RCAN3: variants seen among roughly 807,000 people sequenced by gnomAD.
RCAN3 encodes the protein calcipressin-3.
In RCAN3, 19 loss-of-function variants were observed where a neutral mutation model predicts 21.9. The ratio of observed to expected loss-of-function variants is 0.87; its 90% CI spans 0.61 to 1.27. RCAN3 has a LOEUF of 1.27. Among genes scored for constraint, RCAN3 ranks in the 50% most tolerant of loss-of-function variants. RCAN3 has a pLI of 0.00. For synonymous variants in RCAN3, 114 were observed against 112.3 expected, an observed-to-expected ratio of 1.01 and a Z score of -0.09; for missense variants, 240 against 300.1, an observed-to-expected ratio of 0.80 and a Z score of 1.48.
chr1:24,517,533 C>T (rs774442129), intron 2 of RCAN3, among the ~76,000 whole-genome samples: 28 of 152,122 alleles, frequency 1.8e-4, no homozygotes, highest in Non-Finnish European at 3.2e-4. Flanking sequence ...TTATATCTAA[C>T]GTAAATTTAT....
At chr1:24,518,451 A>G (rs1648520259) in intron 2 of RCAN3, among the ~76,000 whole-genome samples, 2 of 152,178 alleles carry the variant, frequency 1.3e-5, no homozygotes, top group Admixed American at 1.3e-4. Flanking sequence ...AGGGTTGTTA[A>G]TTTTATGCAT....
intron 2 of RCAN3, among the ~76,000 whole-genome samples, chr1:24,527,792 T>G (rs558863801): frequency 2.0e-5 from 3 of 152,346 alleles, no homozygotes; most frequent in African/African-American, 7.2e-5. Context: ...TGCATTTCAT[T>G]TATTAAACTA....
rs1647207989 is a variant in RCAN3, at chr1:24,503,071, C to G, written c.-139C>G. The stretch of plus-strand genomic sequence containing the variant: ...GCAGCCCCGTCGGGCAGCCCGGGCC[C>G]GTCCGCTGCCCTCCCGGCTCCCGTC... On this transcript the variant is annotated 5_prime_UTR_variant, in exon 1 of 5. Coordinates refer to ENST00000374395, the MANE Select transcript of RCAN3 (RefSeq NM_013441.4). 6.7e-6 allele frequency: 1 copy of G among 148,958 alleles called. No homozygotes were observed. The highest frequency in any genetic ancestry group is 2.1e-4 in the South Asian group (1 of 4,788). 9.2% of individuals were successfully genotyped at this position (148,958 alleles called of 1,614,324 possible).
In RCAN3 at chr1:24,536,375, TG is replaced by T. The variant is rs1650228580; in HGVS notation, c.*1099del. 6.6e-6 allele frequency: 1 copy of T among 152,226 alleles called. No individual in the cohort carries two copies. Among genetic ancestry groups the T allele is most frequent in the Non-Finnish European group, 1.5e-5 (1 of 68,038 alleles). The allele number at this position is 152,226 out of a possible 1,614,324, so 9.4% of individuals were successfully genotyped here. On this transcript the variant is annotated 3_prime_UTR_variant, in exon 5 of 5. Coordinates refer to ENST00000374395, the MANE Select transcript of RCAN3 (RefSeq NM_013441.4). ...GATCATTCAGTTTTACTTTTCTTTT[TG>T]TTGAAATTTTGTACCCGGATTGCAG...
At chr1:24,526,755 C>T (rs1000684761) in intron 2 of RCAN3, among the ~76,000 whole-genome samples, 1 of 152,166 alleles carries the variant, frequency 6.6e-6, no homozygotes, top group Non-Finnish European at 1.5e-5. Flanking sequence ...AACTATCTCA[C>T]ATAGGAATTT....
intron 1 of RCAN3, among the ~76,000 whole-genome samples, chr1:24,506,506 T>C (rs1433726049): frequency 5.9e-5 from 9 of 152,118 alleles, no homozygotes; most frequent in Admixed American, 5.9e-4. Flanking sequence ...TCTTATACAC[T>C]GAAGTATTTG....
At chr1:24,521,898 G>T (rs1168198892) in intron 2 of RCAN3, among the ~76,000 whole-genome samples, 1 of 143,424 alleles carries the variant, frequency 7.0e-6, no homozygotes, top group Non-Finnish European at 1.5e-5. Context: ...TAGAATATTG[G>T]TTGCTGGGGG....
intron 1 of RCAN3, among the ~76,000 whole-genome samples, chr1:24,509,183 A>T (rs1353890101): frequency 6.6e-6 from 1 of 152,176 alleles, no homozygotes; most frequent in Non-Finnish European, 1.5e-5. Context: ...AATGCAAACG[A>T]TTAAGTCGTA....
In RCAN3 at chr1:24,537,236, C is replaced by T. The variant is rs1650281839; in HGVS notation, c.*1959C>T. On this transcript the variant is annotated 3_prime_UTR_variant, in exon 5 of 5. Coordinates refer to ENST00000374395, the MANE Select transcript of RCAN3 (RefSeq NM_013441.4). ...TATTCCTAACACATAAAACATTTTA[C>T]AGTCAAGCAGTGCAAATTACAGTGC... is the stretch of plus-strand genomic sequence containing the variant. The T allele has an allele frequency of 6.6e-6, 1 of 151,774 alleles. No homozygotes were observed. Among genetic ancestry groups the T allele is most frequent in the South Asian group, 2.1e-4 (1 of 4,826 alleles). The allele number at this position is 151,774 out of a possible 1,614,324, so 9.4% of individuals were successfully genotyped here. A position where few individuals can be genotyped will look rare whatever the true frequency, so the allele number is the denominator to read the frequency against.
chr1:24,531,170 T>C (rs759590577), intron 2 of RCAN3, 48 bp from the exon 3 acceptor site: 1 of 1,303,740 alleles, frequency 7.7e-7, no homozygotes, highest in Non-Finnish European at 1.0e-6. Flanking sequence ...GGTTTTTCTT[T>C]TTTTTTTTTC....
Position 24,521,803 on chromosome 1 carries a change from G to A in RCAN3, c.195+7236G>A, listed in dbSNP as rs987989547. 3.3e-5 allele frequency among the ~76,000 whole-genome samples: 5 copies of A among 152,028 alleles called. No individual in the cohort carries two copies. The East Asian group carries it at 5.8e-4, about 18-fold the overall frequency. On this transcript the variant is annotated intron_variant, in intron 2 of 4. Coordinates refer to ENST00000374395, the MANE Select transcript of RCAN3 (RefSeq NM_013441.4). Reference sequence around the variant, plus strand: ...GTGGAGGTTGCAGTGAGCTGAGATCGTGCCATTGTACTCCAGCCTGGGTGA... The same window carrying A: ...GTGGAGGTTGCAGTGAGCTGAGATCATGCCATTGTACTCCAGCCTGGGTGA...
chr1:24,508,272 T>C (rs1170590558), intron 1 of RCAN3, among the ~76,000 whole-genome samples: 1 of 152,218 alleles, frequency 6.6e-6, no homozygotes, highest in Admixed American at 6.5e-5. Context: ...CTTGGGGACA[T>C]GGTACTTTTC....
intron 2 of RCAN3, among the ~76,000 whole-genome samples, chr1:24,514,839 C>G (rs1303990608): frequency 1.3e-5 from 2 of 151,828 alleles, no homozygotes; most frequent in African/African-American, 4.8e-5. Flanking sequence ...TGTGGTGGTG[C>G]GCGCCTGTAA....
intron 2 of RCAN3, among the ~76,000 whole-genome samples, chr1:24,519,287 A>T (rs1648596937): frequency 6.6e-6 from 1 of 151,432 alleles, no homozygotes; most frequent in African/African-American, 2.4e-5. Context: ...CCTGGGCTCA[A>T]GCGATCCTCC....
Position 24,540,987 on chromosome 1 carries a change from CA to C in RCAN3, c.*5712del, listed in dbSNP as rs1381175127. The C allele has an allele frequency of 1.3e-5, 2 of 152,172 alleles. No homozygotes were observed. Among genetic ancestry groups the C allele is most frequent in the Admixed American group, 6.5e-5 (1 of 15,274 alleles). The allele number at this position is 152,172 out of a possible 1,614,324, so 9.4% of individuals were successfully genotyped here. On this transcript the variant is annotated 3_prime_UTR_variant, in exon 5 of 5. Transcript: ENST00000374395. ...TTGGAAGCTTCGTGATTACCTGTAA[CA>C]AGTTCTGTTTTTAAAACGAATACAA... is the stretch of plus-strand genomic sequence containing the variant.
chr1:24,526,571 G>T (rs1019890183), intron 2 of RCAN3, among the ~76,000 whole-genome samples: 1 of 152,196 alleles, frequency 6.6e-6, no homozygotes, highest in Admixed American at 6.5e-5. Context: ...GTCATACGAT[G>T]CGTTGGTACT....
At chr1:24,515,205 G>A (rs1050237211) in intron 2 of RCAN3, among the ~76,000 whole-genome samples, 2 of 152,210 alleles carry the variant, frequency 1.3e-5, no homozygotes, top group East Asian at 3.9e-4. Context: ...AAAACCTGGG[G>A]ATCTTTAGCC....
intron 1 of RCAN3, among the ~76,000 whole-genome samples, chr1:24,510,922 A>AT (rs1242076003): frequency 6.6e-6 from 1 of 152,174 alleles, no homozygotes; most frequent in Non-Finnish European, 1.5e-5. Flanking sequence ...TAATTTCAAT[A>AT]TTGTCGTGTC....
At chr1:24,531,463 G>A (rs767080415) in intron 3 of RCAN3, 72 bp downstream of exon 3, 44 of 1,174,260 alleles carry the variant, frequency 3.7e-5, no homozygotes, top group South Asian at 6.3e-5. Context: ...TTATTTCACC[G>A]TTTTCTATAT....
Sources: gnomAD v4.1 joint callset for allele counts (sites outside exome capture counted in the v4.1 genomes callset) on GRCh38, gnomAD v4.1.1 for gene constraint, MANE v1.5 for transcripts, NCBI Gene and HGNC (gene_info 2026-07-23, HGNC 2026-07-21) for gene names.